The following SORBS2 variants were observed in gnomAD, a reference collection of about 807,000 sequenced individuals.
SORBS2 encodes sorbin and SH3 domain-containing protein 2.
SORBS2 carries 46 observed loss-of-function variants against 97.7 expected under a neutral mutation model. That is an observed-to-expected ratio of 0.47 (90% CI 0.37 to 0.60). The LOEUF is 0.60. Ranked by LOEUF, SORBS2 falls within the 20% of genes least tolerant of loss-of-function variation. SORBS2 has a pLI of 0.00. For missense variants in SORBS2, 1,316 were observed against 1,282.3 expected (o/e 1.03, Z -0.40); for synonymous variants, 476 against 473.4 (o/e 1.01, Z -0.07).
At chr4:185,811,103 C>G (rs2099180765) in intron 1 of SORBS2, 2 of 152,146 alleles carry the variant, frequency 1.3e-5, no homozygotes, top group Non-Finnish European at 2.9e-5. Flanking sequence ...TGCTTTACAA[C>G]TACCCCAACT....
chr4:185,654,961 T>A (rs2097373164), intron 1 of SORBS2, among the ~76,000 whole-genome samples: 2 of 152,260 alleles, frequency 1.3e-5, no homozygotes, highest in Admixed American at 1.3e-4. Context: ...GACTCTGTTC[T>A]ATTTTTTTCT....
intron 2 of SORBS2, among the ~76,000 whole-genome samples, chr4:185,703,985 T>A (rs1032968731): frequency 6.6e-6 from 1 of 152,204 alleles, no homozygotes; most frequent in East Asian, 1.9e-4. Flanking sequence ...AGGGTCCTAG[T>A]TTAATGAATA....
intron 2 of SORBS2, among the ~76,000 whole-genome samples, chr4:185,733,030 A>T (rs1221684235): frequency 6.6e-6 from 1 of 152,230 alleles, no homozygotes; most frequent in East Asian, 1.9e-4. Flanking sequence ...GAGCCTTCAC[A>T]GGCAACCCGG....
intron 2 of SORBS2, among the ~76,000 whole-genome samples, chr4:185,728,948 A>G (rs971410311): frequency 2.0e-5 from 3 of 152,254 alleles, no homozygotes; most frequent in African/African-American, 7.2e-5. Flanking sequence ...GAGTAAGTGG[A>G]AGAATGAATG....
At chr4:185,615,830 A>T (rs2096618292) in intron 9 of SORBS2, among the ~76,000 whole-genome samples, 1 of 152,232 alleles carries the variant, frequency 6.6e-6, no homozygotes. Flanking sequence ...TTTACAAAAA[A>T]TAAAAATATT....
At chr4:185,616,669 A>G (rs1249600134) in intron 9 of SORBS2, among the ~76,000 whole-genome samples, 1 of 152,166 alleles carries the variant, frequency 6.6e-6, no homozygotes, top group Non-Finnish European at 1.5e-5. Context: ...GGAAAGTCTT[A>G]CTCTTAAGTT....
rs777420029 is a variant in SORBS2, at chr4:185,623,286, T to G, written c.1843A>C (p.Asn615His). 2 of 1,614,104 alleles carry G rather than the reference T, an allele frequency of 1.2e-6. No homozygotes were observed. The highest frequency in any genetic ancestry group is 8.5e-7 in the Non-Finnish European group (1 of 1,180,030). ...TCAGTCTGTTTCTTAGGAGCCGAAT[T>G]TTTTTTCCTCCGGAAAGGCACAGGA... The change falls in exon 7 of 15, where the codon AAT (asparagine) becomes CAT (histidine). Residue 615 changes from asparagine to histidine, a missense_variant. Physicochemically the swap from Asn to His is moderately conservative, Grantham distance 68. Transcript: ENST00000418609. This position sits in a 1 kb window ranked among gnomAD's most constrained non-coding sequence, Gnocchi z 6.4.
At chr4:185,596,486 T>G (rs2096091763) in intron 12 of SORBS2, among the ~76,000 whole-genome samples, 2 of 150,808 alleles carry the variant, frequency 1.3e-5, no homozygotes, top group East Asian at 2.0e-4. Flanking sequence ...CGTCCATGGC[T>G]GGAGAACGTA....
chr4:185,871,755 GGA>G (rs2099230534), intron 1 of SORBS2, among the ~76,000 whole-genome samples: 1 of 152,132 alleles, frequency 6.6e-6, no homozygotes, highest in Non-Finnish European at 1.5e-5. Context: ...ACTCTTGCTT[GGA>G]AATACACCTG....
chr4:185,688,669 T>C (rs1342301074), intron 2 of SORBS2, among the ~76,000 whole-genome samples: 2 of 152,184 alleles, frequency 1.3e-5, no homozygotes, highest in Non-Finnish European at 2.9e-5. Flanking sequence ...TTTTATTGAC[T>C]AGCTCTTTAG....
intron 8 of SORBS2, among the ~76,000 whole-genome samples, chr4:185,619,850 AC>A (rs2096688312): frequency 6.6e-6 from 1 of 152,198 alleles, no homozygotes; most frequent in South Asian, 2.1e-4. Flanking sequence ...AAACTGGGCC[AC>A]CACTAGGGAA....
chr4:185,621,556 G>A (rs2096720211), intron 7 of SORBS2, among the ~76,000 whole-genome samples: 1 of 152,148 alleles, frequency 6.6e-6, no homozygotes, highest in African/African-American at 2.4e-5. Flanking sequence ...ATTTTGAATT[G>A]TAGAAATTGA....
At chr4:185,923,661 T>G (rs904509574) in intron 1 of SORBS2, among the ~76,000 whole-genome samples, 1 of 151,914 alleles carries the variant, frequency 6.6e-6, no homozygotes, top group Non-Finnish European at 1.5e-5. Context: ...TGATTGGCAA[T>G]GAGCATTCGT....
chr4:185,612,980 A>C (rs7699576), intron 11 of SORBS2, among the ~76,000 whole-genome samples: 25,899 of 152,218 alleles, frequency 0.17, 3,078 homozygotes, highest in East Asian at 0.56. Flanking sequence ...AAAGATTTGA[A>C]TAGAACCCTT....
At chr4:185,945,057 G>T (rs184014939) in intron 1 of SORBS2, among the ~76,000 whole-genome samples, 3 of 152,180 alleles carry the variant, frequency 2.0e-5, no homozygotes, top group Non-Finnish European at 2.9e-5. Context: ...ACTATGCAAC[G>T]TGCTCATATA....
chr4:185,903,802 G>A (rs1345974475), intron 1 of SORBS2, among the ~76,000 whole-genome samples: 8 of 152,164 alleles, frequency 5.3e-5, no homozygotes, highest in Admixed American at 5.2e-4. Flanking sequence ...GGCTTTGGTT[G>A]TAAAGGATTC....
At chr4:185,784,208 T>A (rs2099045104) in intron 1 of SORBS2, among the ~76,000 whole-genome samples, 1 of 152,142 alleles carries the variant, frequency 6.6e-6, no homozygotes, top group Non-Finnish European at 1.5e-5. Context: ...CTCAGCTCAC[T>A]GCAAGCTCTG....
chr4:185,751,190 A>AAAAAAAAAAGAG lies in SORBS2; in HGVS notation c.-198+24036_-198+24037insCTCTTTTTTTTT. On this transcript the variant is annotated intron_variant, in intron 2 of 20. Coordinates refer to the SORBS2 transcript ENST00000284776. ...TAAATACTAAAAAAAAAAAAAAAAA[A>AAAAAAAAAAGAG]AGAGAAAGAGAGAGAAATTCAGGAA... Among the ~76,000 whole-genome samples, 13 of 86,490 alleles carry AAAAAAAAAAGAG rather than the reference A, an allele frequency of 1.5e-4. 1 individual carries two copies. The highest frequency in any genetic ancestry group is 5.3e-4 in the African/African-American group (13 of 24,434). 56.7% of individuals were successfully genotyped at this position (86,490 alleles called of 152,430 possible).
At chr4:185,617,700 C>T (rs192367560) in intron 9 of SORBS2, among the ~76,000 whole-genome samples, 8 of 152,172 alleles carry the variant, frequency 5.3e-5, no homozygotes, top group East Asian at 1.9e-4. Flanking sequence ...TATGTGCTTC[C>T]GCAACCACAT....
Sources: gnomAD v4.1 joint callset for allele counts (sites outside exome capture counted in the v4.1 genomes callset) on GRCh38, gnomAD v4.1.1 for gene constraint, Gnocchi (gnomAD v3.1) non-coding constraint, MANE v1.5 for transcripts, NCBI Gene and HGNC (gene_info 2026-07-23, HGNC 2026-07-21) for gene names.